The following GALC variants were observed in gnomAD, a reference collection of about 807,000 sequenced individuals.
GALC encodes galactosylceramidase, also known as galactocerebrosidase.
Under a neutral mutation model 91.8 loss-of-function variants are expected in GALC, and 77 were observed. The observed-to-expected ratio is 0.84, with a 90% CI of 0.70 to 1.01. GALC has a LOEUF of 1.01. Ranked by LOEUF, GALC falls within the 50% of genes least tolerant of loss-of-function variation. The pLI is 0.00. For synonymous variants in GALC, 357 were observed against 306.7 expected, an observed-to-expected ratio of 1.16 and a Z score of -1.71; for missense variants, 882 against 855.9, an observed-to-expected ratio of 1.03 and a Z score of -0.38.
In GALC at chr14:87,965,638, T is replaced by C; in HGVS notation, c.909-9A>G. On this transcript the variant is annotated splice_polypyrimidine_tract_variant and intron_variant, in intron 8 of 16. Coordinates refer to ENST00000261304, the MANE Select transcript of GALC (RefSeq NM_000153.4). ...AATTCCATGCGATTGTGCTAAAAGA[T>C]TTGATAAAAAAGAAACACCAAGACA... The C allele has an allele frequency of 6.2e-7, 1 of 1,613,048 alleles. No homozygotes were observed. Among genetic ancestry groups the C allele is most frequent in the Non-Finnish European group, 8.5e-7 (1 of 1,179,356 alleles).
intron 12 of GALC, among the ~76,000 whole-genome samples, chr14:87,949,225 C>T (rs561965861): frequency 3.1e-4 from 47 of 151,842 alleles, no homozygotes; most frequent in Non-Finnish European, 6.0e-4. Context: ...AACAGGCATG[C>T]TATGCTTTGA....
chr14:87,950,786 TATAA>T, intron 10 of GALC, 38 bp from the exon 11 acceptor site: 1 of 1,396,752 alleles, frequency 7.2e-7, no homozygotes, highest in Non-Finnish European at 1.0e-6. Flanking sequence ...CCAAATGATG[TATAA>T]GCTACCTTAG....
At chr14:87,965,801 A>C (rs934509087) in intron 8 of GALC, among the ~76,000 whole-genome samples, 172 bp from the exon 9 acceptor site, 3 of 152,196 alleles carry the variant, frequency 2.0e-5, no homozygotes, top group Non-Finnish European at 2.9e-5. Context: ...TCACATTTTG[A>C]AAAATCCAGT....
chr14:87,937,941 T>A (rs1185428763), intron 16 of GALC, among the ~76,000 whole-genome samples: 4 of 151,200 alleles, frequency 2.6e-5, no homozygotes, highest in African/African-American at 9.7e-5. Context: ...AAAAAAAAAG[T>A]CATTTTTTCC....
intron 16 of GALC, 34 bp downstream of exon 16, chr14:87,939,871 A>G: frequency 7.2e-7 from 1 of 1,395,788 alleles, no homozygotes; most frequent in Non-Finnish European, 1.0e-6. Flanking sequence ...ACAAAAGAGC[A>G]TTTTACCTCC....
At chr14:87,954,103 C>A in intron 10 of GALC, 1 of 1,609,614 alleles carries the variant, frequency 6.2e-7, no homozygotes, top group Non-Finnish European at 8.5e-7. Flanking sequence ...AGTTATTCAT[C>A]TATTCAGCCT....
rs1886983796 is a variant in GALC at position 87,986,589 on chromosome 14, G to A, written c.342C>T (p.Pro114=). ...CATCTAGTGCATAATGCATGTGGGA[G>A]GGCTCAGTGCCGTCTGAATAGAGGA... ...GDGQTTDGTE[P]SHMHYALDEN... is the part of the protein sequence containing the mutation. Residue 114 remains proline (P), a synonymous_variant, in exon 4 of 17, where the codon CCC becomes CCT. Coordinates refer to ENST00000261304, the MANE Select transcript of GALC (RefSeq NM_000153.4). The A allele has an allele frequency of 6.2e-7, 1 of 1,611,634 alleles. No homozygotes were observed. The highest frequency in any genetic ancestry group is 8.5e-7 in the Non-Finnish European group (1 of 1,177,866).
chr14:87,948,802 C>A (rs985369975), intron 12 of GALC, among the ~76,000 whole-genome samples: 3 of 151,662 alleles, frequency 2.0e-5, no homozygotes, highest in Non-Finnish European at 2.9e-5. Context: ...ACTTTTTTTT[C>A]AGAACTTAAT....
rs998552856 is a variant in GALC at position 87,993,072 on chromosome 14, C to A, written c.93G>T (p.Leu31Phe). The change falls in exon 1 of 17, where the codon TTG becomes TTT. Residue 31 changes from leucine (L) to phenylalanine (F), a missense_variant. Leu to Phe is a conservative substitution (Grantham distance 22). Transcript: ENST00000261304. ...AGSAGRAAVPLLLCALLAPGG... is the reference protein window; with the variant it reads ...AGSAGRAAVPFLLCALLAPGG... The stretch of plus-strand genomic sequence containing the variant: ...CGGGCGCCAGCAGCGCACACAGCAG[C>A]AAGGGCACCGCGGCGCGGCCCGCCG... 1.9e-6 allele frequency: 3 copies of A among 1,578,798 alleles called. No individual in the cohort carries two copies. Among genetic ancestry groups the A allele is most frequent in the African/African-American group, 2.7e-5 (2 of 74,380 alleles).
At chr14:87,955,281 G>A (rs1334256183) in intron 10 of GALC, 20 of 689,028 alleles carry the variant, frequency 2.9e-5, no homozygotes, top group Non-Finnish European at 4.3e-5. Context: ...TAAACGATAG[G>A]GTTTTTGCTT....
chr14:87,952,292 T>C (rs774529913), intron 10 of GALC, among the ~76,000 whole-genome samples: 2 of 151,852 alleles, frequency 1.3e-5, no homozygotes, highest in Non-Finnish European at 2.9e-5. Flanking sequence ...AAAGGTGACA[T>C]TACTAGAGAT....
intron 6 of GALC, among the ~76,000 whole-genome samples, chr14:87,980,190 G>A (rs902838928): frequency 6.6e-6 from 1 of 152,074 alleles, no homozygotes. Context: ...AGACCAGCCT[G>A]GCCAAGATGG....
At chr14:87,947,412 T>G (rs1885116505) in intron 13 of GALC, among the ~76,000 whole-genome samples, 1 of 152,018 alleles carries the variant, frequency 6.6e-6, no homozygotes, top group South Asian at 2.1e-4. Context: ...AGAAGGAAGA[T>G]GTCAGTAATG....
chr14:87,949,046 G>T (rs961809480), intron 12 of GALC, among the ~76,000 whole-genome samples: 1 of 152,004 alleles, frequency 6.6e-6, no homozygotes, highest in African/African-American at 2.4e-5. Flanking sequence ...AGTGGTGCAG[G>T]AAAAGCATTT....
At chr14:87,953,995 A>G in intron 10 of GALC, 1 of 1,609,376 alleles carries the variant, frequency 6.2e-7, no homozygotes, top group Non-Finnish European at 8.5e-7. Flanking sequence ...TTTCTTGGAG[A>G]TATAATTTTA....
chr14:87,941,621 A>G (rs927764561), intron 14 of GALC, 63 bp from the exon 15 acceptor site: 11 of 1,118,128 alleles, frequency 9.8e-6, no homozygotes, highest in Middle Eastern at 2.0e-4. Flanking sequence ...TAGTACAGAT[A>G]TGTCATTTCA....
chr14:87,987,209 TC>T (rs1887013481), intron 3 of GALC, among the ~76,000 whole-genome samples: 1 of 152,212 alleles, frequency 6.6e-6, no homozygotes, highest in Admixed American at 6.5e-5. Context: ...CCTCGTATAT[TC>T]CCACAGTTCA....
At chr14:87,992,635 G>A in intron 1 of GALC, 1 of 1,448,408 alleles carries the variant, frequency 6.9e-7, no homozygotes, top group Non-Finnish European at 9.0e-7. Context: ...CCGCGATGAA[G>A]ACAGCCTGTG....
intron 10 of GALC, among the ~76,000 whole-genome samples, chr14:87,959,023 A>C (rs188711467): frequency 6.6e-6 from 1 of 152,338 alleles, no homozygotes. Context: ...TTTGCACAGC[A>C]AAAGAAACAA....
Sources: gnomAD v4.1 joint callset for allele counts (sites outside exome capture counted in the v4.1 genomes callset) on GRCh38, gnomAD v4.1.1 for gene constraint, MANE v1.5 for transcripts, NCBI Gene and HGNC (gene_info 2026-07-23, HGNC 2026-07-21) for gene names.